The following ARHGAP20 variants were observed in gnomAD, a reference collection of about 807,000 sequenced individuals.
The protein encoded by ARHGAP20 is Rho GTPase activating protein 20.
Under a neutral mutation model 73.7 loss-of-function variants are expected in ARHGAP20, and 34 were observed. The ratio of observed to expected loss-of-function variants is 0.46; its 90% confidence interval spans 0.35 to 0.61. The LOEUF (loss-of-function observed/expected upper bound fraction) is 0.61, where lower values mean the gene tolerates loss of function less well. ARHGAP20 is among the 20% of genes least tolerant of loss of function. The probability of loss-of-function intolerance (pLI) is 0.00; values close to 1 mark genes in which losing one functional copy is unlikely to be tolerated. For missense variants in ARHGAP20, 1,314 were observed against 1,420.9 expected (o/e 0.92, Z 1.21); for synonymous variants, 523 against 518.2 (o/e 1.01, Z -0.13).
chr11:110,668,223 C>T (rs1283073209), intron 2 of ARHGAP20, among the ~76,000 whole-genome samples: 2 of 152,160 alleles, frequency 1.3e-5, no homozygotes, highest in Non-Finnish European at 2.9e-5. Context: ...CTTCGGCAAC[C>T]ACCATCCTTA....
At chr11:110,649,993 G>A (rs1185391148) in intron 2 of ARHGAP20, among the ~76,000 whole-genome samples, 1 of 151,988 alleles carries the variant, frequency 6.6e-6, no homozygotes, top group Non-Finnish European at 1.5e-5. Context: ...TCTCCTCTCT[G>A]AGCACATAAA....
At chr11:110,594,942 A>G (rs1305629007) in intron 9 of ARHGAP20, among the ~76,000 whole-genome samples, 5 of 151,780 alleles carry the variant, frequency 3.3e-5, no homozygotes, top group Admixed American at 3.3e-4. Context: ...AAGCTTATCC[A>G]CCATGATCCA....
chr11:110,713,004 C>A (rs1314512234), upstream of ARHGAP20: 1 of 152,328 alleles, frequency 6.6e-6, no homozygotes, highest in East Asian at 1.9e-4. Context: ...GAACGCTAGC[C>A]TGTTCGGGTA....
intron 1 of ARHGAP20, among the ~76,000 whole-genome samples, chr11:110,704,249 G>A (rs1950513234): frequency 1.3e-5 from 2 of 152,176 alleles, no homozygotes; most frequent in Non-Finnish European, 2.9e-5. Flanking sequence ...ATTCTCCTAG[G>A]TGTAAATTAG....
Position 110,699,602 on chromosome 11 carries a change from T to C in ARHGAP20, c.106-8973A>G, listed in dbSNP as rs187463043. On this transcript the variant is annotated intron_variant, in intron 1 of 14. Coordinates refer to ENST00000683387, the MANE Select transcript of ARHGAP20 (RefSeq NM_001384657.1). Reference sequence around the variant, plus strand: ...TGTTCTGGTGTTAGGTGCATATATATTTAAGATAGTTATATCTTCTTGTAT... The same window carrying C: ...TGTTCTGGTGTTAGGTGCATATATACTTAAGATAGTTATATCTTCTTGTAT... 7.2e-5 allele frequency among the ~76,000 whole-genome samples: 11 copies of C among 152,188 alleles called. No homozygotes were observed. In the East Asian group the frequency reaches 2.1e-3, roughly 29 times the overall value.
intron 4 of ARHGAP20, among the ~76,000 whole-genome samples, chr11:110,623,617 T>C (rs545395055): frequency 8.3e-4 from 127 of 152,334 alleles, no homozygotes; most frequent in Non-Finnish European, 1.6e-3. Flanking sequence ...ATTTGTATAA[T>C]AAAACACTAT....
At position 110,611,333 on chromosome 11, in the gene ARHGAP20, C is replaced by T; in HGVS notation, c.684G>A (p.Met228Ile). 6.4e-7 allele frequency: 1 copy of T among 1,568,786 alleles called. No homozygotes were observed. The highest frequency in any genetic ancestry group is 8.7e-7 in the Non-Finnish European group (1 of 1,154,040). ...CAGTTATCCCTAGCATTGGTAATGA[C>T]ATGTTGATAACTTCATTCGCTGTAT... The part of the protein sequence containing the change: ...NSDTANEVIN[M>I]SLPMLGITGS... Residue 228 changes from methionine to isoleucine, a missense_variant, in exon 7 of 15, where the codon ATG (methionine) becomes ATA (isoleucine). Around this residue, in one of 3 missense-constraint regions of ARHGAP20, gnomAD observed 443 missense variants for 466.4 expected, o/e 0.95. Transcript: ENST00000683387.
At chr11:110,678,014 A>G (rs1481544842) in intron 2 of ARHGAP20, among the ~76,000 whole-genome samples, 2 of 152,260 alleles carry the variant, frequency 1.3e-5, no homozygotes, top group African/African-American at 4.8e-5. Context: ...AATGTGGTAT[A>G]CCTATCTATA....
intron 7 of ARHGAP20, 91 bp from the exon 8 acceptor site, chr11:110,609,141 C>T: frequency 9.8e-7 from 1 of 1,022,182 alleles, no homozygotes; most frequent in South Asian, 1.4e-5. Flanking sequence ...TATGTGTCCT[C>T]CCTCCTGCCC....
intron 2 of ARHGAP20, among the ~76,000 whole-genome samples, chr11:110,641,765 C>A (rs181602671): frequency 6.6e-6 from 1 of 152,092 alleles, no homozygotes; most frequent in Admixed American, 6.6e-5. Flanking sequence ...TGAGAAGAAT[C>A]AATAGAAACA....
At chr11:110,681,599 A>G (rs549366026) in intron 2 of ARHGAP20, among the ~76,000 whole-genome samples, 1 of 152,326 alleles carries the variant, frequency 6.6e-6, no homozygotes, top group East Asian at 1.9e-4. Flanking sequence ...CGAAAGTATG[A>G]TAAGCTATTA....
chr11:110,609,176 C>T, intron 7 of ARHGAP20, 126 bp from the exon 8 acceptor site: 1 of 747,836 alleles, frequency 1.3e-6, no homozygotes, highest in South Asian at 1.7e-5. Context: ...GTTAGAGATC[C>T]ATGAACTGCA....
At chr11:110,705,850 C>T (rs566190364) in intron 1 of ARHGAP20, among the ~76,000 whole-genome samples, 135 of 152,250 alleles carry the variant, frequency 8.9e-4, no homozygotes, top group African/African-American at 3.1e-3. Context: ...CTGGAGAATA[C>T]GCCAAGCTTT....
chr11:110,597,137 T>A (rs1285340026), intron 9 of ARHGAP20, among the ~76,000 whole-genome samples: 10 of 75,320 alleles, frequency 1.3e-4, no homozygotes, highest in Non-Finnish European at 1.8e-4. Context: ...CCGGGGACCG[T>A]TGTGGGGTGG....
At chr11:110,697,861 A>C (rs917231349) in intron 1 of ARHGAP20, among the ~76,000 whole-genome samples, 2 of 151,274 alleles carry the variant, frequency 1.3e-5, no homozygotes, top group African/African-American at 4.8e-5. Context: ...CAATATGATG[A>C]CTCTGGATAT....
intron 2 of ARHGAP20, among the ~76,000 whole-genome samples, chr11:110,689,290 C>T (rs978044458): frequency 1.6e-4 from 25 of 151,924 alleles, no homozygotes; most frequent in Middle Eastern, 3.2e-3. Flanking sequence ...TAAATTAGCA[C>T]AATTTGAAGA....
chr11:110,656,600 G>C (rs976203118), intron 2 of ARHGAP20, among the ~76,000 whole-genome samples: 1 of 152,176 alleles, frequency 6.6e-6, no homozygotes, highest in Non-Finnish European at 1.5e-5. Flanking sequence ...AGTAACAGAA[G>C]TTCACCTAGG....
At chr11:110,678,998 A>G (rs1439782936) in intron 2 of ARHGAP20, among the ~76,000 whole-genome samples, 1 of 152,180 alleles carries the variant, frequency 6.6e-6, no homozygotes, top group Admixed American at 6.6e-5. Flanking sequence ...ACAATTTATA[A>G]GGATCAGAAA....
At chr11:110,710,455 A>G (rs538587752) in intron 1 of ARHGAP20, among the ~76,000 whole-genome samples, 1 of 152,290 alleles carries the variant, frequency 6.6e-6, no homozygotes, top group East Asian at 1.9e-4. Context: ...AGAAAAAAAG[A>G]AAAAACTGTT....
Sources: gnomAD v4.1 joint callset for allele counts (sites outside exome capture counted in the v4.1 genomes callset) on GRCh38, gnomAD v4.1.1 for gene constraint, gnomAD v4.1.1 regional missense constraint, MANE v1.5 for transcripts, NCBI Gene and HGNC (gene_info 2026-07-23, HGNC 2026-07-21) for gene names.